Variants in FRMD4A observed in about 807,000 individuals in gnomAD.
FRMD4A encodes the protein FERM domain-containing protein 4A.
A neutral mutation model predicts 129.1 loss-of-function variants in FRMD4A; 29 were observed. That is an observed-to-expected ratio of 0.22 (90% confidence interval 0.17 to 0.31). The LOEUF is 0.31. Among genes scored for constraint, FRMD4A ranks in the 10% least tolerant of loss-of-function variants. FRMD4A has a pLI of 1.00. For missense variants in FRMD4A, 1,272 were observed against 1,375.8 expected (o/e 0.92, Z 1.19); for synonymous variants, 634 against 571.6 (o/e 1.11, Z -1.56).
chr10:13,856,660 G>A (rs563434282), intron 3 of FRMD4A, among the ~76,000 whole-genome samples: 19 of 152,220 alleles, frequency 1.2e-4, no homozygotes, highest in African/African-American at 4.6e-4. Flanking sequence ...TAGGAAGAGA[G>A]AATAACACAG....
At chr10:14,012,830 C>T (rs2095686795) in intron 2 of FRMD4A, among the ~76,000 whole-genome samples, 1 of 152,178 alleles carries the variant, frequency 6.6e-6, no homozygotes, top group Non-Finnish European at 1.5e-5. Context: ...GCCTGTCTGT[C>T]CCCTGGAAGT....
chr10:14,221,107 C>T (rs1371114223), intron 2 of FRMD4A, among the ~76,000 whole-genome samples: 1 of 152,114 alleles, frequency 6.6e-6, no homozygotes, highest in Non-Finnish European at 1.5e-5. Flanking sequence ...CGAATGGTGG[C>T]AAGACTTGGG....
chr10:13,664,753 C>T (rs1012963081), intron 18 of FRMD4A, among the ~76,000 whole-genome samples: 6 of 151,338 alleles, frequency 4.0e-5, no homozygotes, highest in South Asian at 2.1e-4. Context: ...CAGACTGGCA[C>T]GCATGGTTAC....
intron 2 of FRMD4A, among the ~76,000 whole-genome samples, chr10:14,029,422 A>G (rs2131659405): frequency 6.6e-6 from 1 of 152,312 alleles, no homozygotes; most frequent in South Asian, 2.1e-4. Flanking sequence ...AGTGCTCCGC[A>G]AAAGTGAGGT....
chr10:13,766,315 A>G (rs1309998692), intron 6 of FRMD4A, among the ~76,000 whole-genome samples: 2 of 152,182 alleles, frequency 1.3e-5, no homozygotes, highest in Non-Finnish European at 2.9e-5. Context: ...GAGAACTGGC[A>G]CCTTTAACTG....
Position 13,880,416 on chromosome 10 carries a change from A to G in FRMD4A, c.46-21504T>C, listed in dbSNP as rs192196170. On this transcript the variant is annotated intron_variant, in intron 2 of 24. Transcript: ENST00000357447. ...ACTTTTCATCACCGTCATCATCATC[A>G]TTGTCATCATTTGTCTGGATTCTTG... Among the ~76,000 whole-genome samples the G allele has an allele frequency of 3.3e-5, 5 of 152,250 alleles. No individual in the cohort carries two copies. The East Asian group carries it at 7.7e-4, about 24-fold the overall frequency.
At chr10:13,854,222 A>G (rs1199513428) in intron 3 of FRMD4A, among the ~76,000 whole-genome samples, 3 of 152,170 alleles carry the variant, frequency 2.0e-5, no homozygotes, top group Admixed American at 1.3e-4. Flanking sequence ...TCTGCTCTCA[A>G]CATACTCCCC....
At chr10:13,680,719 C>A (rs2084494387) in intron 15 of FRMD4A, among the ~76,000 whole-genome samples, 1 of 151,124 alleles carries the variant, frequency 6.6e-6, no homozygotes, top group South Asian at 2.1e-4. Context: ...GAGCGAGACT[C>A]CATTTAAAAA....
chr10:13,822,527 A>G (rs2093644989), intron 3 of FRMD4A, among the ~76,000 whole-genome samples: 1 of 152,228 alleles, frequency 6.6e-6, no homozygotes, highest in Non-Finnish European at 1.5e-5. Context: ...TATTGGTAGA[A>G]TGGGACAGAA....
chr10:14,275,648 C>T (rs1589254515), intron 2 of FRMD4A, among the ~76,000 whole-genome samples: 2 of 152,320 alleles, frequency 1.3e-5, no homozygotes, highest in South Asian at 4.1e-4. Context: ...ACTAGACTTC[C>T]ATGAGATGGT....
chr10:14,066,538 G>A (rs1236936990), intron 2 of FRMD4A, among the ~76,000 whole-genome samples: 1 of 152,124 alleles, frequency 6.6e-6, no homozygotes, highest in African/African-American at 2.4e-5. Flanking sequence ...GCATGCGCTG[G>A]AAGTGGGATG....
At chr10:13,850,336 T>C (rs975897249) in intron 3 of FRMD4A, among the ~76,000 whole-genome samples, 3 of 152,236 alleles carry the variant, frequency 2.0e-5, no homozygotes, top group African/African-American at 7.2e-5. Flanking sequence ...CCCTCAGTGC[T>C]ATTTTACTGA....
chr10:13,871,911 G>A (rs1452294073), intron 2 of FRMD4A, among the ~76,000 whole-genome samples: 1 of 152,244 alleles, frequency 6.6e-6, no homozygotes, highest in East Asian at 1.9e-4. Context: ...GTCAGAGCCA[G>A]GCTCCAGAGC....
intron 2 of FRMD4A, among the ~76,000 whole-genome samples, chr10:14,119,319 T>C (rs915400188): frequency 6.6e-6 from 1 of 152,058 alleles, no homozygotes; most frequent in Non-Finnish European, 1.5e-5. Flanking sequence ...AAACAAGCCT[T>C]AAAACTACAC....
At chr10:13,742,797 G>A (rs1033956511) in intron 9 of FRMD4A, among the ~76,000 whole-genome samples, 1 of 152,046 alleles carries the variant, frequency 6.6e-6, no homozygotes, top group African/African-American at 2.4e-5. Flanking sequence ...GATTACAGGT[G>A]TGAGTCACTA....
chr10:13,853,883 G>A (rs183941709), intron 3 of FRMD4A, among the ~76,000 whole-genome samples: 4 of 150,352 alleles, frequency 2.7e-5, no homozygotes, highest in African/African-American at 7.4e-5. Context: ...GAAGAAATTC[G>A]GCCAACCATT....
intron 20 of FRMD4A, among the ~76,000 whole-genome samples, chr10:13,659,958 GAGGGGGT>G (rs1405763714): frequency 6.6e-6 from 1 of 152,182 alleles, no homozygotes; most frequent in African/African-American, 2.4e-5. Context: ...TCTGCTGGAT[GAGGGGGT>G]AGAGTTCTGA....
intron 2 of FRMD4A, among the ~76,000 whole-genome samples, chr10:14,121,554 G>T (rs1477863646): frequency 6.6e-6 from 1 of 152,178 alleles, no homozygotes; most frequent in Non-Finnish European, 1.5e-5. Flanking sequence ...ACAGTCACCT[G>T]TTACCTGGAG....
rs1436423046 is a variant in FRMD4A, at chr10:13,644,377, T to C, written c.*2661A>G. Reference sequence around the variant, plus strand: ...TTCCCACCACACTGATCATTAATCATGTCAGTCTCAAAGGACTAACGTTTT... The same window carrying C: ...TTCCCACCACACTGATCATTAATCACGTCAGTCTCAAAGGACTAACGTTTT... On this transcript the variant is annotated 3_prime_UTR_variant, in exon 25 of 25. Transcript: ENST00000357447. 6.6e-6 allele frequency: 1 copy of C among 152,264 alleles called. No homozygotes were observed. Among genetic ancestry groups the C allele is most frequent in the Non-Finnish European group, 1.5e-5 (1 of 68,040 alleles). 9.4% of individuals were successfully genotyped at this position (152,264 alleles called of 1,614,324 possible). A position where few individuals can be genotyped will look rare whatever the true frequency, so the allele number is the denominator to read the frequency against.
Sources: allele counts gnomAD v4.1 joint callset (sites outside exome capture counted in the v4.1 genomes callset), GRCh38; gene constraint gnomAD v4.1.1; transcripts MANE v1.5; gene names NCBI Gene and HGNC (gene_info 2026-07-23, HGNC 2026-07-21).